The following INTS12 variants were observed in gnomAD, a reference collection of about 807,000 sequenced individuals.
INTS12 encodes the protein integrator complex subunit 12.
A neutral mutation model predicts 41.6 loss-of-function variants in INTS12; 13 were observed. The ratio of observed to expected loss-of-function variants is 0.31; its 90% CI spans 0.20 to 0.50. The LOEUF (loss-of-function observed/expected upper bound fraction) is 0.50, where lower values mean the gene tolerates loss of function less well. Among genes scored for constraint, INTS12 ranks in the 20% least tolerant of loss-of-function variants. The pLI is 0.98. For missense variants in INTS12, 432 were observed against 541.6 expected, an observed-to-expected ratio of 0.80 and a Z score of 2.01; for synonymous variants, 199 against 191.4, an observed-to-expected ratio of 1.04 and a Z score of -0.33.
At chr4:105,706,249 A>G (rs1310558482) in intron 1 of INTS12, 1 of 146,156 alleles carries the variant, frequency 6.8e-6, no homozygotes, top group Non-Finnish European at 1.5e-5. Flanking sequence ...CCCCAACTTC[A>G]ATCTCTTTTT....
At chr4:105,708,149 T>C (rs1268467787) in intron 1 of INTS12, 6 of 985,324 alleles carry the variant, frequency 6.1e-6, no homozygotes, top group South Asian at 9.4e-5. Flanking sequence ...ATAACACTGA[T>C]ACCTTAGGGA....
chr4:105,693,430 T>C lies in INTS12; in HGVS notation c.366A>G (p.Lys122=). 1 of 1,613,812 alleles carries C rather than the reference T, an allele frequency of 6.2e-7. No homozygotes were observed. The highest frequency in any genetic ancestry group is 2.2e-5 in the East Asian group (1 of 44,874). Residue 122 remains lysine, a synonymous_variant, in exon 5 of 8, where the codon AAA becomes AAG. Coordinates refer to ENST00000340139, the MANE Select transcript of INTS12 (RefSeq NM_020395.4). ...TAATGGGAGATGACTGTGTTTCTGG[T>C]TTCTCCAATCTAGGTTTCTTTGGAA... is the stretch of plus-strand genomic sequence containing the variant. ...VDIPKKPRLE[K]PETQSSPITV... is the part of the protein sequence containing the mutation.
chr4:105,693,195 T>G, intron 5 of INTS12, 104 bp downstream of exon 5: 1 of 933,626 alleles, frequency 1.1e-6, no homozygotes. Context: ...AAAAACAAAA[T>G]AGAAAATGCA....
chr4:105,696,627 G>A (rs1187867613), intron 3 of INTS12, among the ~76,000 whole-genome samples: 1 of 152,110 alleles, frequency 6.6e-6, no homozygotes, highest in Non-Finnish European at 1.5e-5. Context: ...TATTTGGGTT[G>A]TCTGCAGTTT....
chr4:105,706,702 TTTAGTC>T (rs1421360526), intron 1 of INTS12, among the ~76,000 whole-genome samples: 7 of 152,180 alleles, frequency 4.6e-5, no homozygotes, highest in African/African-American at 1.7e-4. Context: ...ACAACTTTCT[TTTAGTC>T]AGGTTTGAGA....
intron 4 of INTS12, among the ~76,000 whole-genome samples, chr4:105,695,118 G>A (rs1328854802): frequency 6.8e-6 from 1 of 147,474 alleles, no homozygotes; most frequent in African/African-American, 2.5e-5. Context: ...TTGTAGAGAT[G>A]GGGTTTCATC....
Position 105,693,288 on chromosome 4 carries a change from G to T in INTS12, c.497+11C>A. ...AAGTAACAAAAGAATCTGTGGCAAG[G>T]TACAACTTACCTACAAACAACGCAG... is the stretch of plus-strand genomic sequence containing the variant. On this transcript the variant is annotated intron_variant, in intron 5 of 7. Coordinates refer to ENST00000340139, the MANE Select transcript of INTS12 (RefSeq NM_020395.4). 3.8e-6 allele frequency: 6 copies of T among 1,572,536 alleles called. No individual in the cohort carries two copies. The highest frequency in any genetic ancestry group is 5.2e-6 in the Non-Finnish European group (6 of 1,150,980).
rs1339990929 is a variant in INTS12, at chr4:105,708,662, G to A, written c.-196C>T. 3 of 944,320 alleles carry A rather than the reference G, an allele frequency of 3.2e-6. No homozygotes were observed. The highest frequency in any genetic ancestry group is 3.8e-6 in the Non-Finnish European group (3 of 792,640). The allele number at this position is 944,320 out of a possible 1,614,324, so 58.5% of individuals were successfully genotyped here. ...CCGTTCCGCCCCGCCCTGCCGATCCGTCTGTTCCCGGTGGTCCCTTCGGAA... is the reference window on the plus strand; with the variant it reads ...CCGTTCCGCCCCGCCCTGCCGATCCATCTGTTCCCGGTGGTCCCTTCGGAA... On this transcript the variant is annotated 5_prime_UTR_variant, in exon 1 of 8. It adds an upstream start codon to the 5' untranslated region. Transcript: ENST00000340139.
chr4:105,683,995 G>A (rs1040250777), intron 7 of INTS12, among the ~76,000 whole-genome samples: 1 of 152,154 alleles, frequency 6.6e-6, no homozygotes, highest in Non-Finnish European at 1.5e-5. Flanking sequence ...ATTTGCCCAT[G>A]ATTCCGGTTA....
At chr4:105,691,341 A>T (rs982618692) in intron 6 of INTS12, among the ~76,000 whole-genome samples, 3 of 152,214 alleles carry the variant, frequency 2.0e-5, no homozygotes, top group African/African-American at 7.2e-5. Context: ...TCATTTATCT[A>T]TTTTATAAGT....
In INTS12 at chr4:105,686,718, G is replaced by A; in HGVS notation, c.778C>T (p.Leu260=). 1 of 1,612,988 alleles carries A rather than the reference G, an allele frequency of 6.2e-7. No individual in the cohort carries two copies. Residue 260 remains leucine, a synonymous_variant, in exon 7 of 8, where the codon CTA becomes TTA. Coordinates refer to ENST00000340139, the MANE Select transcript of INTS12 (RefSeq NM_020395.4). Reference sequence around the variant, plus strand: ...TTGACTTCTGTTCTCTTAAACGCTAGAAAAGTTGTCTCTTGTTTCAGTTTA... The same window carrying A: ...TTGACTTCTGTTCTCTTAAACGCTAAAAAAGTTGTCTCTTGTTTCAGTTTA... ...ETKLKQETTF[L]AFKRTEVKTS...
Position 105,694,581 on chromosome 4 carries a change from T to C in INTS12, c.309+935A>G, listed in dbSNP as rs146895177. 8.5e-3 allele frequency among the ~76,000 whole-genome samples: 1,296 copies of C among 152,284 alleles called. 18 individuals carry two copies. The highest frequency in any genetic ancestry group is 0.029 in the African/African-American group (1,199 of 41,558). Reference sequence around the variant, plus strand: ...GCTGACCTCAAGTGATCCTCCTGCCTTGACCTCCCAAAGTGCTGGGATTAC... The same window carrying C: ...GCTGACCTCAAGTGATCCTCCTGCCCTGACCTCCCAAAGTGCTGGGATTAC... On this transcript the variant is annotated intron_variant, in intron 4 of 7. Coordinates refer to ENST00000340139, the MANE Select transcript of INTS12 (RefSeq NM_020395.4).
At chr4:105,707,734 T>A (rs548863540) in intron 1 of INTS12, among the ~76,000 whole-genome samples, 2 of 152,226 alleles carry the variant, frequency 1.3e-5, no homozygotes, top group Non-Finnish European at 2.9e-5. Context: ...GAACTTGTTT[T>A]GTTCACTGTT....
In INTS12 at chr4:105,695,525, A is replaced by G; in HGVS notation, c.300T>C (p.Pro100=). ...EKVKKEAEKR[P]ADKMKSDITE... Reference sequence around the variant, plus strand: ...TAAAATAAAATCTTACTTTATCAGCAGGTCTCTTTTCAGCTTCCTTCTTTA... The same window carrying G: ...TAAAATAAAATCTTACTTTATCAGCGGGTCTCTTTTCAGCTTCCTTCTTTA... The change falls in exon 4 of 8, where the codon CCT becomes CCC. Residue 100 remains proline, a synonymous_variant. Coordinates refer to ENST00000340139, the MANE Select transcript of INTS12 (RefSeq NM_020395.4). The G allele has an allele frequency of 6.3e-7, 1 of 1,597,146 alleles. No individual in the cohort carries two copies.
At chr4:105,686,424 T>A (rs188322281) in intron 7 of INTS12, among the ~76,000 whole-genome samples, 1 of 152,152 alleles carries the variant, frequency 6.6e-6, no homozygotes, top group Admixed American at 6.5e-5. Context: ...AAGACAAATA[T>A]CTAACCAGAT....
intron 3 of INTS12, among the ~76,000 whole-genome samples, chr4:105,699,198 G>A (rs928066876): frequency 2.6e-4 from 40 of 152,060 alleles, no homozygotes; most frequent in African/African-American, 9.7e-4. Context: ...CTATCTTAAA[G>A]GATCATTATC....
chr4:105,692,034 G>A lies in INTS12; in HGVS notation c.599C>T (p.Ala200Val), dbSNP rs1046236757. Residue 200 changes from alanine to valine, a missense_variant, in exon 6 of 8, where the codon GCG becomes GTG. This residue lies in a region of INTS12 where 258 missense variants were observed against 309.9 expected (regional missense o/e 0.83). Transcript: ENST00000340139. ...CHKPQVTDKEANDPRLVWYCA... is the reference protein window; with the variant it reads ...CHKPQVTDKEVNDPRLVWYCA... ...ATACCACACCAGGCGAGGGTCATTC[G>A]CTTCCTTGTCTGTCACCTGGGGTTT... 3 of 1,608,714 alleles carry A rather than the reference G, an allele frequency of 1.9e-6. No individual in the cohort carries two copies. Among genetic ancestry groups the A allele is most frequent in the Non-Finnish European group, 2.5e-6 (3 of 1,177,842 alleles).
intron 3 of INTS12, among the ~76,000 whole-genome samples, chr4:105,696,968 AGT>A (rs1196659385): frequency 1.3e-5 from 2 of 152,244 alleles, no homozygotes; most frequent in Non-Finnish European, 2.9e-5. Flanking sequence ...CAGCTTTTCA[AGT>A]GTTCATATGG....
At chr4:105,694,950 C>T (rs187260188) in intron 4 of INTS12, among the ~76,000 whole-genome samples, 2 of 150,174 alleles carry the variant, frequency 1.3e-5, no homozygotes, top group Admixed American at 6.6e-5. Context: ...TTTGAGACAG[C>T]GCCTCACTCT....
Sources: allele counts gnomAD v4.1 joint callset (sites outside exome capture counted in the v4.1 genomes callset), GRCh38; gene constraint gnomAD v4.1.1; regional missense constraint gnomAD v4.1.1; transcripts MANE v1.5; gene names NCBI Gene and HGNC (gene_info 2026-07-23, HGNC 2026-07-21).